The following AP3D1 variants were observed in gnomAD, a reference collection of about 807,000 sequenced individuals.
AP3D1 encodes the protein adaptor related protein complex 3 subunit delta 1, also known as AP-3 complex subunit delta-1.
In AP3D1, 51 loss-of-function variants were observed where a neutral mutation model predicts 147.6. The observed-to-expected ratio is 0.35, with a 90% confidence interval of 0.28 to 0.44. AP3D1 has a LOEUF of 0.44. Ranked by LOEUF, AP3D1 falls within the 20% of genes least tolerant of loss-of-function variation. The pLI is 1.00. For missense variants in AP3D1, 1,421 were observed against 1,624.2 expected (o/e 0.87, Z 2.15); for synonymous variants, 760 against 663.0 (o/e 1.15, Z -2.25).
chr19:2,160,970 T>C (rs2019692063), intron 1 of AP3D1, among the ~76,000 whole-genome samples: 1 of 151,912 alleles, frequency 6.6e-6, no homozygotes, highest in African/African-American at 2.4e-5. Flanking sequence ...TGAGACCGCC[T>C]GGGTAAGGGA....
Position 2,130,441 on chromosome 19 carries a change from G to A in AP3D1, c.559C>T (p.Arg187Trp), listed in dbSNP as rs766235867. 7 of 1,613,888 alleles carry A rather than the reference G, an allele frequency of 4.3e-6. No individual in the cohort carries two copies. The highest frequency in any genetic ancestry group is 1.6e-4 in the Middle Eastern group (1 of 6,084). ...YPESLRPAFP[R>W]LKEKLEDPDP... ...GGGTCCTCCAGCTTCTCCTTCAGCC[G>A]GGGAAAGGCAGGGCGCAGCGACTCG... is the stretch of plus-strand genomic sequence containing the variant. Residue 187 changes from arginine (R) to tryptophan (W), a missense_variant, in exon 6 of 32, where the codon CGG becomes TGG. Coordinates refer to ENST00000643116, the MANE Select transcript of AP3D1 (RefSeq NM_001261826.3).
rs367719475 is a variant in AP3D1 at position 2,129,076 on chromosome 19, T to C, written c.806+14A>G. The C allele has an allele frequency of 1.5e-4, 236 of 1,570,398 alleles. 1 individual carries two copies. Among genetic ancestry groups the C allele is most frequent in the Admixed American group, 3.8e-5 (2 of 52,538 alleles). On this transcript the variant is annotated intron_variant, in intron 8 of 31. Transcript: ENST00000643116. ...GGAGCCGGCCCGCCCCCACCGCGCATGGCCTGCACTCACCTGTGGATGAGA... is the reference window on the plus strand; with the variant it reads ...GGAGCCGGCCCGCCCCCACCGCGCACGGCCTGCACTCACCTGTGGATGAGA...
chr19:2,124,506 C>T (rs1256483742), intron 9 of AP3D1, among the ~76,000 whole-genome samples: 3 of 152,182 alleles, frequency 2.0e-5, no homozygotes, highest in Admixed American at 6.5e-5. Context: ...CAGGCACATG[C>T]AGGGACAGAG....
chr19:2,146,662 A>G (rs1466532897), intron 1 of AP3D1, among the ~76,000 whole-genome samples: 1 of 152,018 alleles, frequency 6.6e-6, no homozygotes, highest in Non-Finnish European at 1.5e-5. Flanking sequence ...ATATTTTGCA[A>G]TCAAAGCAGC....
chr19:2,109,998 G>T, intron 28 of AP3D1, 40 bp from the exon 29 acceptor site: 1 of 1,607,860 alleles, frequency 6.2e-7, no homozygotes, highest in South Asian at 1.1e-5. Context: ...GAGGGGAGTC[G>T]GGCCCAGCTC....
chr19:2,149,799 G>T (rs921614182), intron 1 of AP3D1, among the ~76,000 whole-genome samples: 1 of 152,196 alleles, frequency 6.6e-6, no homozygotes, highest in Admixed American at 6.5e-5. Flanking sequence ...GAGCAGGGAC[G>T]GGCGCTGGGA....
rs189931859 is a variant in AP3D1, at chr19:2,138,131, G to A, written c.193-324C>T. 1.3e-4 allele frequency among the ~76,000 whole-genome samples: 20 copies of A among 152,310 alleles called. No individual in the cohort carries two copies. The East Asian group carries it at 3.5e-3, about 26-fold the overall frequency. On this transcript the variant is annotated intron_variant, in intron 2 of 31. Coordinates refer to ENST00000643116, the MANE Select transcript of AP3D1 (RefSeq NM_001261826.3). ...CGGCTCCTTGAAATAGTTACGAGAC[G>A]AGCAGCAGCATGGGGGACCCTGGAC...
At chr19:2,110,007 T>G (rs1458267875) in intron 28 of AP3D1, 49 bp from the exon 29 acceptor site, 1 of 1,602,418 alleles carries the variant, frequency 6.2e-7, no homozygotes, top group Non-Finnish European at 8.5e-7. Flanking sequence ...CGGGCCCAGC[T>G]CAGGGCTCAG....
chr19:2,102,303 G>C, intron 31 of AP3D1, 35 bp from the exon 32 acceptor site: 1 of 1,568,722 alleles, frequency 6.4e-7, no homozygotes, highest in Non-Finnish European at 8.8e-7. Flanking sequence ...TTTTAAAAGT[G>C]TGTGCAGGGG....
chr19:2,130,593 C>CG lies in AP3D1; in HGVS notation c.463-57dup, dbSNP rs1284446132. On this transcript the variant is annotated intron_variant, in intron 5 of 31. Transcript: ENST00000643116. The stretch of plus-strand genomic sequence containing the variant: ...GCTTTCTGCGCCTCATCCCTGCTCT[C>CG]GCCCCTCCCAGCCGCCTCCTCCACA... The CG allele has an allele frequency of 6.2e-6, 10 of 1,602,388 alleles. No homozygotes were observed. The Admixed American group carries it at 1.5e-4, about 24-fold the overall frequency.
Position 2,111,340 on chromosome 19 carries a change from T to C in AP3D1, c.2938-8A>G, listed in dbSNP as rs143612937. On this transcript the variant is annotated splice_region_variant and splice_polypyrimidine_tract_variant and intron_variant, in intron 25 of 31. Coordinates refer to ENST00000643116, the MANE Select transcript of AP3D1 (RefSeq NM_001261826.3). ...GGAGTAGCTGGACTCAGGCTGGAAA[T>C]AGAAAAGGCGCATCAGCCTTGGGGG... 1,207 of 1,613,690 alleles carry C rather than the reference T, an allele frequency of 7.5e-4. 9 individuals are homozygous for C. The African/African-American group carries it at 0.012, about 16-fold the overall frequency.
chr19:2,128,285 A>G (rs2018816715), intron 8 of AP3D1, among the ~76,000 whole-genome samples: 4 of 151,716 alleles, frequency 2.6e-5, no homozygotes, highest in Admixed American at 1.3e-4. Flanking sequence ...CACAAAGAAA[A>G]CCCAAACTCC....
intron 1 of AP3D1, among the ~76,000 whole-genome samples, chr19:2,147,565 A>AC (rs1016791020): frequency 1.3e-5 from 2 of 149,996 alleles, no homozygotes; most frequent in African/African-American, 2.4e-5. Context: ...TGGAAAAAAA[A>AC]CAAGAAGAAG....
chr19:2,123,669 C>T (rs775766539), intron 10 of AP3D1, among the ~76,000 whole-genome samples, 161 bp downstream of exon 10: 1 of 152,192 alleles, frequency 6.6e-6, no homozygotes, highest in Non-Finnish European at 1.5e-5. Flanking sequence ...CAAGCAGGCT[C>T]GGGTAGGTAG....
Position 2,110,808 on chromosome 19 carries a change from C to T in AP3D1, c.3074G>A (p.Gly1025Asp), listed in dbSNP as rs551959777. 7.6e-5 allele frequency: 122 copies of T among 1,613,644 alleles called. 2 individuals are homozygous for T. The South Asian group carries it at 1.2e-3, about 16-fold the overall frequency. ...TGAGTCCAGCACGCTGAGCTCCATG[C>T]CCTTGAGGATGCTGCTGCTCCTGTT... is the stretch of plus-strand genomic sequence containing the variant. The part of the protein sequence containing the change: ...LENRSSSILK[G>D]MELSVLDSLN... Residue 1025 changes from glycine to aspartate, a missense_variant, in exon 27 of 32, where the codon GGC becomes GAC. Gly to Asp is a moderately conservative substitution (Grantham distance 94, BLOSUM62 -1). Transcript: ENST00000643116.
intron 11 of AP3D1, among the ~76,000 whole-genome samples, chr19:2,123,046 G>A (rs751239763): frequency 1.6e-4 from 24 of 152,270 alleles, no homozygotes; most frequent in Non-Finnish European, 2.6e-4. Context: ...TTCGGACCAA[G>A]GTGCTCAGTG....
intron 25 of AP3D1, 56 bp downstream of exon 25, chr19:2,111,623 G>A: frequency 6.5e-7 from 1 of 1,528,258 alleles, no homozygotes; most frequent in Middle Eastern, 2.3e-4. Context: ...GTGGGGAGCA[G>A]CGCACAGCCC....
At chr19:2,124,528 A>T (rs970996128) in intron 9 of AP3D1, among the ~76,000 whole-genome samples, 1 of 152,140 alleles carries the variant, frequency 6.6e-6, no homozygotes, top group Non-Finnish European at 1.5e-5. Flanking sequence ...CTCATTTTCC[A>T]CCAAGCCAGT....
At chr19:2,109,440 A>T (rs113610013) in intron 29 of AP3D1, 10 of 544,162 alleles carry the variant, frequency 1.8e-5, no homozygotes, top group African/African-American at 1.3e-4. Context: ...GCCTGAAGCC[A>T]TGGGATGGGC....
Sources: allele counts gnomAD v4.1 joint callset (sites outside exome capture counted in the v4.1 genomes callset), GRCh38; gene constraint gnomAD v4.1.1; transcripts MANE v1.5; gene names NCBI Gene and HGNC (gene_info 2026-07-23, HGNC 2026-07-21).